Variants in KDM7A observed in about 807,000 individuals in gnomAD.
KDM7A encodes the protein lysine demethylase 7A, also known as lysine-specific demethylase 7A.
In KDM7A, 28 loss-of-function variants were observed where a neutral mutation model predicts 114.8. The ratio of observed to expected loss-of-function variants is 0.24; its 90% CI spans 0.18 to 0.33. The LOEUF is 0.33. KDM7A is among the 10% of genes least tolerant of loss of function. The pLI is 1.00. For synonymous variants in KDM7A, 423 were observed against 397.8 expected, an observed-to-expected ratio of 1.06 and a Z score of -0.75; for missense variants, 942 against 1,142.5, an observed-to-expected ratio of 0.82 and a Z score of 2.53.
chr7:140,123,994 C>T (rs1045999982), intron 7 of KDM7A, among the ~76,000 whole-genome samples: 4 of 150,944 alleles, frequency 2.6e-5, no homozygotes, highest in Admixed American at 6.6e-5. Context: ...GGCACGAACC[C>T]GGGATGGGGA....
chr7:140,126,180 G>T (rs1383620431), intron 6 of KDM7A, among the ~76,000 whole-genome samples: 1 of 152,080 alleles, frequency 6.6e-6, no homozygotes, highest in Non-Finnish European at 1.5e-5. Context: ...CAAAGCGCTG[G>T]GATTATAGGT....
At chr7:140,125,055 C>T (rs938318625) in intron 6 of KDM7A, among the ~76,000 whole-genome samples, 1 of 152,170 alleles carries the variant, frequency 6.6e-6, no homozygotes, top group Non-Finnish European at 1.5e-5. Context: ...GAAGCACAAA[C>T]ATCCCACTGA....
At chr7:140,152,530 G>A (rs1350386412) in intron 1 of KDM7A, among the ~76,000 whole-genome samples, 1 of 144,174 alleles carries the variant, frequency 6.9e-6, no homozygotes, top group Non-Finnish European at 1.5e-5. Flanking sequence ...AGGCTGAGGC[G>A]TGAGAATCAC....
In KDM7A at chr7:140,086,588, G is replaced by A. The variant is rs916136974; in HGVS notation, c.*4506C>T. The A allele has an allele frequency of 6.6e-6, 1 of 152,142 alleles. No individual in the cohort carries two copies. Among genetic ancestry groups the A allele is most frequent in the African/African-American group, 2.4e-5 (1 of 41,432 alleles). The allele number at this position is 152,142 out of a possible 1,614,324, so 9.4% of individuals were successfully genotyped here. On this transcript the variant is annotated 3_prime_UTR_variant, in exon 20 of 20. Coordinates refer to ENST00000397560, the MANE Select transcript of KDM7A (RefSeq NM_030647.2). ...TATTAAGATTACATTACGTTCAACA[G>A]CAACAGAATGAGAAAATTAATTCTT... is the stretch of plus-strand genomic sequence containing the variant.
intron 19 of KDM7A, 103 bp downstream of exon 19, chr7:140,091,701 T>C (rs1180219416): frequency 1.6e-6 from 2 of 1,233,038 alleles, no homozygotes; most frequent in Non-Finnish European, 2.3e-6. Flanking sequence ...CTACTATGCA[T>C]GAGATGTTGA....
chr7:140,126,464 A>T (rs199602131), intron 6 of KDM7A, among the ~76,000 whole-genome samples, 173 bp downstream of exon 6: 42,790 of 122,204 alleles, frequency 0.35, 6,370 homozygotes, highest in African/African-American at 0.41. Context: ...TTTGAGATTA[A>T]AAAAAAAAAT....
At chr7:140,151,019 TG>T (rs141143892) in intron 1 of KDM7A, among the ~76,000 whole-genome samples, 8,873 of 152,054 alleles carry the variant, frequency 0.058, 328 homozygotes, top group East Asian at 0.13. Flanking sequence ...TTAGTACAGA[TG>T]GGGTTTCACC....
chr7:140,157,155 T>C (rs537787007), intron 1 of KDM7A, among the ~76,000 whole-genome samples: 2 of 152,338 alleles, frequency 1.3e-5, no homozygotes. Flanking sequence ...AATTGAGCTG[T>C]ATAGGAGGAA....
chr7:140,122,189 T>C (rs1818627398), intron 7 of KDM7A, among the ~76,000 whole-genome samples: 1 of 152,236 alleles, frequency 6.6e-6, no homozygotes, highest in Non-Finnish European at 1.5e-5. Context: ...ATTGATTTCC[T>C]TCCTTATGCA....
intron 1 of KDM7A, among the ~76,000 whole-genome samples, chr7:140,168,621 A>G (rs532367158): frequency 2.2e-4 from 33 of 152,192 alleles, no homozygotes; most frequent in Non-Finnish European, 3.1e-4. Flanking sequence ...ACAAGCAGTA[A>G]CAAATGAACC....
chr7:140,085,801 G>A lies in KDM7A; in HGVS notation c.*5293C>T, dbSNP rs561151602. On this transcript the variant is annotated 3_prime_UTR_variant, in exon 20 of 20. Transcript: ENST00000397560. Reference sequence around the variant, plus strand: ...CCTGACTGTAATGTGGAAGTTATACGTAGCTCTGTAAAAATAAAAGGTTAC... The same window carrying A: ...CCTGACTGTAATGTGGAAGTTATACATAGCTCTGTAAAAATAAAAGGTTAC... The A allele has an allele frequency of 3.9e-5, 6 of 152,164 alleles. No individual in the cohort carries two copies. The highest frequency in any genetic ancestry group is 5.9e-5 in the Non-Finnish European group (4 of 68,016). 9.4% of individuals were successfully genotyped at this position (152,164 alleles called of 1,614,324 possible).
chr7:140,121,531 T>C (rs1176782690), intron 7 of KDM7A, among the ~76,000 whole-genome samples: 2 of 152,184 alleles, frequency 1.3e-5, no homozygotes, highest in Non-Finnish European at 2.9e-5. Context: ...CTCCAAATCC[T>C]ACACATCAGT....
rs929433866 is a variant in KDM7A, at chr7:140,142,394, G to C, written c.195-3204C>G. Among the ~76,000 whole-genome samples, 5 of 148,718 alleles carry C rather than the reference G, an allele frequency of 3.4e-5. No homozygotes were observed. In the South Asian group the frequency reaches 1.1e-3, roughly 32 times the overall value. ...GTGGCCACCAAAGGAATTATACCCA[G>C]AATATACTGAACTCCTATAAATCAA... On this transcript the variant is annotated intron_variant, in intron 1 of 19. Transcript: ENST00000397560.
At chr7:140,104,862 G>T (rs1205177529) in intron 11 of KDM7A, among the ~76,000 whole-genome samples, 1 of 152,136 alleles carries the variant, frequency 6.6e-6, no homozygotes, top group Admixed American at 6.6e-5. Flanking sequence ...GGATGGCATT[G>T]AATCTATTAA....
chr7:140,147,960 T>C (rs529993577), intron 1 of KDM7A, among the ~76,000 whole-genome samples: 1 of 152,290 alleles, frequency 6.6e-6, no homozygotes, highest in South Asian at 2.1e-4. Flanking sequence ...GGACAATGTA[T>C]GTCAGTATGT....
At chr7:140,144,580 T>C (rs567633006) in intron 1 of KDM7A, among the ~76,000 whole-genome samples, 4 of 152,034 alleles carry the variant, frequency 2.6e-5, no homozygotes, top group Admixed American at 2.6e-4. Context: ...TGGAAAAAGG[T>C]AGAGAGGTAT....
chr7:140,089,765 A>C lies in KDM7A; in HGVS notation c.*1329T>G, dbSNP rs1817990124. 2 of 152,206 alleles carry C rather than the reference A, an allele frequency of 1.3e-5. No individual in the cohort carries two copies. The highest frequency in any genetic ancestry group is 4.1e-4 in the South Asian group (2 of 4,830). The allele number at this position is 152,206 out of a possible 1,614,324, so 9.4% of individuals were successfully genotyped here. On this transcript the variant is annotated 3_prime_UTR_variant, in exon 20 of 20. Transcript: ENST00000397560. ...AAGTTTAACCAGATACTTAACCTCAATATGTACTGGTCAGGTTAGGATAGA... is the reference window on the plus strand; with the variant it reads ...AAGTTTAACCAGATACTTAACCTCACTATGTACTGGTCAGGTTAGGATAGA...
rs574154388 is a variant in KDM7A at position 140,131,104 on chromosome 7, T to C, written c.399-1451A>G. 3.6e-4 allele frequency among the ~76,000 whole-genome samples: 54 copies of C among 152,028 alleles called. 1 individual carries two copies. Among genetic ancestry groups the C allele is most frequent in the Admixed American group, 2.0e-4 (3 of 15,250 alleles). On this transcript the variant is annotated intron_variant, in intron 3 of 19. Coordinates refer to ENST00000397560, the MANE Select transcript of KDM7A (RefSeq NM_030647.2). ...GGATGGTCTTGATCTCCCGAGCTCA[T>C]GATCCACCCACCTCGGCCTCCCAAA...
chr7:140,140,024 G>C (rs1794245047), intron 1 of KDM7A, among the ~76,000 whole-genome samples: 1 of 152,160 alleles, frequency 6.6e-6, no homozygotes, highest in South Asian at 2.1e-4. Context: ...TCCAGGCCCA[G>C]ATGACCTCAC....
Sources: gnomAD v4.1 joint callset for allele counts (sites outside exome capture counted in the v4.1 genomes callset) on GRCh38, gnomAD v4.1.1 for gene constraint, MANE v1.5 for transcripts, NCBI Gene and HGNC (gene_info 2026-07-23, HGNC 2026-07-21) for gene names.